The following GOT2 variants were observed in gnomAD, a reference collection of about 807,000 sequenced individuals.
GOT2 encodes the protein glutamic-oxaloacetic transaminase 2, also known as aspartate aminotransferase, mitochondrial.
A neutral mutation model predicts 50.0 loss-of-function variants in GOT2; 17 were observed. The observed-to-expected ratio is 0.34, with a 90% CI of 0.23 to 0.51. The LOEUF (loss-of-function observed/expected upper bound fraction) is 0.51, where lower values mean the gene tolerates loss of function less well. Among genes scored for constraint, GOT2 ranks in the 20% least tolerant of loss-of-function variants. The pLI is 0.97. For missense variants in GOT2, 430 were observed against 559.6 expected, an observed-to-expected ratio of 0.77 and a Z score of 2.34; for synonymous variants, 172 against 204.9, an observed-to-expected ratio of 0.84 and a Z score of 1.37.
At chr16:58,714,997 A>G (rs1224636424) in intron 8 of GOT2, among the ~76,000 whole-genome samples, 1 of 152,016 alleles carries the variant, frequency 6.6e-6, no homozygotes, top group East Asian at 1.9e-4. Context: ...GTGGTCAAAA[A>G]AATTTAGTAA....
chr16:58,734,170 C>G lies in GOT2; in HGVS notation c.59G>C (p.Gly20Ala). 1 of 1,333,078 alleles carries G rather than the reference C, an allele frequency of 7.5e-7. No homozygotes were observed. The highest frequency in any genetic ancestry group is 3.0e-5 in the Admixed American group (1 of 33,256). 82.6% of individuals were successfully genotyped at this position (1,333,078 alleles called of 1,614,324 possible). A position where few individuals can be genotyped will look rare whatever the true frequency, so the allele number is the denominator to read the frequency against. ...TCTGGCAGAGGCCGCGGCGGCGAGGCCCGGGTGGAAGGCGGCGGCGATCCC... is the reference window on the plus strand; with the variant it reads ...TCTGGCAGAGGCCGCGGCGGCGAGGGCCGGGTGGAAGGCGGCGGCGATCCC... ...LPGIAAAFHPGLAAAASARAS... is the reference protein window; with the variant it reads ...LPGIAAAFHPALAAAASARAS... The change falls in exon 1 of 10, where the codon GGC becomes GCC. Residue 20 changes from glycine to alanine, a missense_variant. By Grantham distance (60) the Gly-to-Ala change is moderately conservative. Transcript: ENST00000245206.
Position 58,708,216 on chromosome 16 carries a change from G to A in GOT2, c.1248C>T (p.Ser416=), listed in dbSNP as rs115220077. The A allele has an allele frequency of 1.4e-3, 2,305 of 1,614,046 alleles. 33 individuals carry two copies. The African/African-American group carries it at 0.027, about 19-fold the overall frequency. ...GRISVAGVTS[S]NVGYLAHAIH... is the part of the protein sequence containing the mutation. ...TGGCATGGGCAAGGTAGCCCACGTT[G>A]CTGGAGGTGACCCCTGCCACAGAGA... is the stretch of plus-strand genomic sequence containing the variant. The change falls in exon 10 of 10, where the codon AGC becomes AGT. Residue 416 remains serine (S), a synonymous_variant. Transcript: ENST00000245206.
intron 8 of GOT2, among the ~76,000 whole-genome samples, chr16:58,714,901 G>GATCTTTCCA (rs1715726515): frequency 6.6e-6 from 1 of 151,990 alleles, no homozygotes; most frequent in African/African-American, 2.4e-5. Context: ...TGTCTCAAAC[G>GATCTTTCCA]ATCTTTCCAC....
In GOT2 at chr16:58,731,467, T is replaced by C. The variant is rs553296538; in HGVS notation, c.89+2673A>G. The stretch of plus-strand genomic sequence containing the variant: ...TCTGTGATCTTTTAACCAATGGTTA[T>C]GGTACCACAGTTGCACACTGCATTT... On this transcript the variant is annotated intron_variant, in intron 1 of 9. Transcript: ENST00000245206. Among the ~76,000 whole-genome samples the C allele has an allele frequency of 8.5e-5, 13 of 152,356 alleles. No individual in the cohort carries two copies. In the East Asian group the frequency reaches 2.5e-3, roughly 29 times the overall value.
Position 58,710,288 on chromosome 16 carries a change from T to C in GOT2, c.1020-721A>G, listed in dbSNP as rs111687679. ...GCTGGATAGTACAATGGTATGATCA[T>C]GGCTCACTGCAGCCTCAATCTTCCA... On this transcript the variant is annotated intron_variant, in intron 8 of 9. Transcript: ENST00000245206. Among the ~76,000 whole-genome samples the C allele has an allele frequency of 3.9e-3, 596 of 152,262 alleles. 4 individuals are homozygous for C. Among genetic ancestry groups the C allele is most frequent in the African/African-American group, 0.013 (558 of 41,558 alleles).
At chr16:58,711,758 T>C (rs2044650728) in intron 8 of GOT2, among the ~76,000 whole-genome samples, 1 of 152,182 alleles carries the variant, frequency 6.6e-6, no homozygotes, top group African/African-American at 2.4e-5. Flanking sequence ...ACAGTTTCCA[T>C]CGTCCAGCTT....
At chr16:58,716,857 G>A (rs1368457955) in intron 6 of GOT2, 44 bp from the exon 7 acceptor site, 2 of 1,580,478 alleles carry the variant, frequency 1.3e-6, no homozygotes, top group Admixed American at 1.7e-5. Context: ...TCTTTCTGAA[G>A]AGGCCCCAGA....
chr16:58,718,735 C>CA, intron 4 of GOT2, 47 bp from the exon 5 acceptor site: 2 of 1,451,196 alleles, frequency 1.4e-6, no homozygotes, highest in Non-Finnish European at 9.3e-7. Flanking sequence ...AAAGGAGAGG[C>CA]AAAAAAATGT....
rs1236854635 is a variant in GOT2 at position 58,719,222 on chromosome 16, C to A, written c.409G>T (p.Ala137Ser). The change falls in exon 4 of 10, where the codon GCC (alanine) becomes TCC (serine). Residue 137 changes from alanine (A) to serine (S), a missense_variant. By Grantham distance (99) the Ala-to-Ser change is moderately conservative. Transcript: ENST00000245206. Reference protein sequence around the residue: ...VTVQTISGTGALRIGASFLQR... With the variant: ...VTVQTISGTGSLRIGASFLQR... Reference sequence around the variant, plus strand: ...AGAAAACTGGCTCCGATCCTTAAGGCTCCAGTTCCAGAAATGGTCTGCACA... The same window carrying A: ...AGAAAACTGGCTCCGATCCTTAAGGATCCAGTTCCAGAAATGGTCTGCACA... 6.2e-7 allele frequency: 1 copy of A among 1,613,322 alleles called. No individual in the cohort carries two copies. Among genetic ancestry groups the A allele is most frequent in the Non-Finnish European group, 8.5e-7 (1 of 1,179,452 alleles).
chr16:58,710,025 G>C (rs1420651960), intron 8 of GOT2, among the ~76,000 whole-genome samples: 1 of 152,118 alleles, frequency 6.6e-6, no homozygotes, highest in Non-Finnish European at 1.5e-5. Context: ...AAGTATGCTA[G>C]GGTAAGCTAT....
At chr16:58,721,724 T>C (rs2152096003) in intron 3 of GOT2, 1 of 153,018 alleles carries the variant, frequency 6.5e-6, no homozygotes, top group South Asian at 2.1e-4. Flanking sequence ...AGAAATAGTG[T>C]GGCCTCCTCA....
rs1306678493 is a variant in GOT2 at position 58,718,682 on chromosome 16, A to G, written c.442T>C (p.Phe148Leu). Residue 148 changes from phenylalanine (F) to leucine (L), a missense_variant, in exon 5 of 10, where the codon TTT becomes CTT. Physicochemically the swap from Phe to Leu is conservative, Grantham distance 22. Transcript: ENST00000245206. ...AAGACATCTCGGCTGAACTTAAAAA[A>G]TCTTTGCTAAAAGATGGGACGAAAG... Reference protein sequence around the residue: ...LRIGASFLQRFFKFSRDVFLP... With the variant: ...LRIGASFLQRLFKFSRDVFLP... 1.9e-6 allele frequency: 3 copies of G among 1,558,424 alleles called. No individual in the cohort carries two copies. Among genetic ancestry groups the G allele is most frequent in the Non-Finnish European group, 2.6e-6 (3 of 1,154,316 alleles).
At chr16:58,718,378 T>C in intron 5 of GOT2, 78 bp from the exon 6 acceptor site, 2 of 1,387,218 alleles carry the variant, frequency 1.4e-6, no homozygotes, top group Non-Finnish European at 2.0e-6. Context: ...AGGATCGTCA[T>C]CATTTGATAA....
chr16:58,731,957 T>C (rs2044837914), intron 1 of GOT2, among the ~76,000 whole-genome samples: 1 of 152,260 alleles, frequency 6.6e-6, no homozygotes, highest in Admixed American at 6.5e-5. Context: ...AAATATGGCA[T>C]CTGATTCTGT....
chr16:58,712,398 G>C (rs2044655902), intron 8 of GOT2, among the ~76,000 whole-genome samples: 1 of 152,166 alleles, frequency 6.6e-6, no homozygotes, highest in Non-Finnish European at 1.5e-5. Flanking sequence ...TGTGATCCCA[G>C]CTCAGGGGAG....
chr16:58,731,484 A>G (rs1347829105), intron 1 of GOT2, among the ~76,000 whole-genome samples: 1 of 152,216 alleles, frequency 6.6e-6, no homozygotes, highest in Non-Finnish European at 1.5e-5. Context: ...ACAGTTGCAC[A>G]CTGCATTTTT....
intron 1 of GOT2, among the ~76,000 whole-genome samples, chr16:58,733,168 G>A (rs1172288083): frequency 2.0e-5 from 3 of 152,172 alleles, no homozygotes; most frequent in Non-Finnish European, 4.4e-5. Flanking sequence ...TCGGCTTCTT[G>A]AGTTGAATTA....
At chr16:58,717,356 C>T (rs1011986187) in intron 6 of GOT2, among the ~76,000 whole-genome samples, 6 of 149,150 alleles carry the variant, frequency 4.0e-5, no homozygotes, top group Admixed American at 1.4e-4. Context: ...TGGCTTAAGG[C>T]GACAGAGTGA....
At chr16:58,721,353 G>A (rs1405627201) in intron 3 of GOT2, among the ~76,000 whole-genome samples, 1 of 152,142 alleles carries the variant, frequency 6.6e-6, no homozygotes, top group Admixed American at 6.5e-5. Flanking sequence ...TGTTGGGAGC[G>A]TGGTCTTCTT....
Sources: gnomAD v4.1 joint callset for allele counts (sites outside exome capture counted in the v4.1 genomes callset) on GRCh38, gnomAD v4.1.1 for gene constraint, MANE v1.5 for transcripts, NCBI Gene and HGNC (gene_info 2026-07-23, HGNC 2026-07-21) for gene names.